THSD7A: variants seen among roughly 807,000 people sequenced by gnomAD.
The protein encoded by THSD7A is thrombospondin type-1 domain-containing protein 7A.
A neutral mutation model predicts 231.3 loss-of-function variants in THSD7A; 96 were observed. The ratio of observed to expected loss-of-function variants is 0.41; its 90% confidence interval spans 0.35 to 0.49. The LOEUF is 0.49. Ranked by LOEUF, THSD7A falls within the 20% of genes least tolerant of loss-of-function variation. The probability of loss-of-function intolerance (pLI) is 0.05; values close to 1 mark genes in which losing one functional copy is unlikely to be tolerated. For synonymous variants in THSD7A, 940 were observed against 743.3 expected, an observed-to-expected ratio of 1.26 and a Z score of -4.30; for missense variants, 2,290 against 2,070.2, an observed-to-expected ratio of 1.11 and a Z score of -2.06.
At position 11,401,848 on chromosome 7, in the gene THSD7A, A is replaced by G; in HGVS notation, c.4358T>C (p.Leu1453Pro). Residue 1453 changes from leucine (L) to proline (P), a missense_variant, in exon 23 of 28, where the codon CTA (leucine) becomes CCA (proline). Physicochemically the swap from Leu to Pro is moderately conservative, Grantham distance 98. Transcript: ENST00000423059. The part of the protein sequence containing the change: ...VRSRPVIIQE[L>P]ENQHLCPEQM... ...CTCTGGGCACAGATGCTGATTCTCT[A>G]GTTCTTGTATAATCACCGGTCTGGA... 6.2e-7 allele frequency: 1 copy of G among 1,613,822 alleles called. No homozygotes were observed. The highest frequency in any genetic ancestry group is 8.5e-7 in the Non-Finnish European group (1 of 1,179,854).
At chr7:11,550,983 T>C (rs915650145) in intron 4 of THSD7A, among the ~76,000 whole-genome samples, 6 of 152,088 alleles carry the variant, frequency 3.9e-5, no homozygotes, top group African/African-American at 1.4e-4. Context: ...AGCACGGTAC[T>C]GATTCAAAAA....
intron 17 of THSD7A, among the ~76,000 whole-genome samples, chr7:11,415,262 CA>C (rs1783923576): frequency 6.6e-6 from 1 of 152,216 alleles, no homozygotes; most frequent in Non-Finnish European, 1.5e-5. Flanking sequence ...CATTCTCTTC[CA>C]AATGAATAGC....
intron 8 of THSD7A, among the ~76,000 whole-genome samples, chr7:11,471,003 A>T (rs1263654330): frequency 6.6e-6 from 1 of 151,952 alleles, no homozygotes; most frequent in Non-Finnish European, 1.5e-5. Context: ...AAAGGCTGAG[A>T]AGTAATAATT....
intron 1 of THSD7A, among the ~76,000 whole-genome samples, chr7:11,645,064 A>C (rs1782228925): frequency 6.6e-6 from 1 of 151,984 alleles, no homozygotes; most frequent in Non-Finnish European, 1.5e-5. Flanking sequence ...TTTCAAAGAA[A>C]CATGTAGAAA....
chr7:11,648,277 G>A (rs752084031), intron 1 of THSD7A, among the ~76,000 whole-genome samples: 2 of 151,996 alleles, frequency 1.3e-5, no homozygotes, highest in Non-Finnish European at 2.9e-5. Flanking sequence ...CCATTTGCAA[G>A]TAGCGCCAAA....
intron 1 of THSD7A, among the ~76,000 whole-genome samples, chr7:11,772,999 C>G (rs910999047): frequency 6.6e-6 from 1 of 152,124 alleles, no homozygotes; most frequent in African/African-American, 2.4e-5. Flanking sequence ...GTGATTAACA[C>G]TGATAGTCAT....
At chr7:11,448,219 T>C (rs961258975) in intron 11 of THSD7A, among the ~76,000 whole-genome samples, 3 of 152,164 alleles carry the variant, frequency 2.0e-5, no homozygotes, top group Non-Finnish European at 4.4e-5. Flanking sequence ...GCCTATGATA[T>C]TGTTCTGCTG....
chr7:11,818,579 T>G (rs375622940), intron 1 of THSD7A, among the ~76,000 whole-genome samples: 3 of 152,146 alleles, frequency 2.0e-5, no homozygotes, highest in African/African-American at 7.2e-5. Flanking sequence ...TCCCAGAAGT[T>G]CAGAAAAATG....
chr7:11,708,931 C>T (rs77219916), intron 1 of THSD7A, among the ~76,000 whole-genome samples: 13,834 of 150,566 alleles, frequency 0.092, 798 homozygotes, highest in Non-Finnish European at 0.14. Context: ...ATATAATACA[C>T]ATTATAGCAC....
In THSD7A at chr7:11,389,421, C is replaced by CT. The variant is rs57755425; in HGVS notation, c.4412-6806dup. ...TCAGAGACTAGAATTGCAACTCCTG[C>CT]TTTTTTTTTTTTTTTTTTTTTTTTT... On this transcript the variant is annotated intron_variant, in intron 23 of 27. Transcript: ENST00000423059. 2.4e-4 allele frequency among the ~76,000 whole-genome samples: 9 copies of CT among 37,606 alleles called. 1 individual carries two copies. The highest frequency in any genetic ancestry group is 1.2e-3 in the East Asian group (1 of 866). The allele number at this position is 37,606 out of a possible 152,430, so 24.7% of individuals were successfully genotyped here.
At chr7:11,592,380 C>T (rs1780200551) in intron 3 of THSD7A, among the ~76,000 whole-genome samples, 1 of 152,172 alleles carries the variant, frequency 6.6e-6, no homozygotes, top group Non-Finnish European at 1.5e-5. Flanking sequence ...GAGATGCTCT[C>T]AATGAAGTTC....
chr7:11,819,105 T>C (rs557347603), intron 1 of THSD7A, among the ~76,000 whole-genome samples: 1 of 152,250 alleles, frequency 6.6e-6, no homozygotes, highest in South Asian at 2.1e-4. Flanking sequence ...TGAAACATCA[T>C]GTTAGTAGGG....
In THSD7A at chr7:11,593,513, G is replaced by T; in HGVS notation, c.1023-11C>A. 6.2e-7 allele frequency: 1 copy of T among 1,613,056 alleles called. No individual in the cohort carries two copies. The highest frequency in any genetic ancestry group is 1.1e-5 in the South Asian group (1 of 91,032). On this transcript the variant is annotated splice_polypyrimidine_tract_variant and intron_variant, in intron 2 of 27. Transcript: ENST00000423059. The stretch of plus-strand genomic sequence containing the variant: ...TCTTGCTGGCAAAAGCTGTAAAAGA[G>T]CATTGATATTCTCATTACAGACTCA...
intron 1 of THSD7A, among the ~76,000 whole-genome samples, chr7:11,750,831 T>C (rs1782476892): frequency 6.6e-6 from 1 of 152,026 alleles, no homozygotes; most frequent in Non-Finnish European, 1.5e-5. Context: ...TCCTGAGGAA[T>C]GACAGTAATA....
Position 11,550,085 on chromosome 7 carries a change from A to C in THSD7A, c.1454-6968T>G, listed in dbSNP as rs1789564535. ...GATGATATGCTTTTATACCTAGAAA[A>C]CCCCGTAATCTCTGCCCAAAGGCTC... On this transcript the variant is annotated intron_variant, in intron 4 of 27. Transcript: ENST00000423059. Among the ~76,000 whole-genome samples the C allele has an allele frequency of 3.3e-5, 5 of 151,976 alleles. No individual in the cohort carries two copies. In the South Asian group the frequency reaches 1.0e-3, roughly 32 times the overall value.
At chr7:11,822,698 T>A (rs1424958166) in intron 1 of THSD7A, among the ~76,000 whole-genome samples, 1 of 152,084 alleles carries the variant, frequency 6.6e-6, no homozygotes, top group East Asian at 1.9e-4. Flanking sequence ...CTTTTCCATA[T>A]ACCTGTTAAT....
At chr7:11,729,636 A>T (rs1395235384) in intron 1 of THSD7A, among the ~76,000 whole-genome samples, 1 of 151,804 alleles carries the variant, frequency 6.6e-6, no homozygotes, top group African/African-American at 2.4e-5. Flanking sequence ...AAATAACTTA[A>T]AAGAAGCAGA....
intron 1 of THSD7A, among the ~76,000 whole-genome samples, chr7:11,727,506 G>A (rs1034997002): frequency 6.6e-6 from 1 of 151,940 alleles, no homozygotes; most frequent in Non-Finnish European, 1.5e-5. Context: ...TTATAAGATA[G>A]ACATTCATTT....
intron 4 of THSD7A, among the ~76,000 whole-genome samples, chr7:11,570,917 C>T (rs1391752448): frequency 6.6e-6 from 1 of 152,158 alleles, no homozygotes. Flanking sequence ...TATGTGGTAT[C>T]ATATGTATTC....
Sources: allele counts gnomAD v4.1 joint callset (sites outside exome capture counted in the v4.1 genomes callset), GRCh38; gene constraint gnomAD v4.1.1; transcripts MANE v1.5; gene names NCBI Gene and HGNC (gene_info 2026-07-23, HGNC 2026-07-21).